UNC13C: variants seen among roughly 807,000 people sequenced by gnomAD.
UNC13C encodes the protein unc-13 homolog C.
A neutral mutation model predicts 245.4 loss-of-function variants in UNC13C; 174 were observed. The observed-to-expected ratio is 0.71, with a 90% CI of 0.63 to 0.80. UNC13C has a LOEUF of 0.80. UNC13C is among the 30% of genes least tolerant of loss of function. UNC13C has a pLI of 0.00. For synonymous variants in UNC13C, 992 were observed against 895.1 expected (o/e 1.11, Z -1.93); for missense variants, 2,829 against 2,602.9 (o/e 1.09, Z -1.89).
chr15:54,539,751 A>G (rs895896093), intron 26 of UNC13C, among the ~76,000 whole-genome samples: 1 of 152,076 alleles, frequency 6.6e-6, no homozygotes, highest in African/African-American at 2.4e-5. Flanking sequence ...AGTTTTAAGT[A>G]ATCTTGGTAC....
chr15:54,616,140 G>A (rs1900416634), intron 30 of UNC13C, among the ~76,000 whole-genome samples: 1 of 151,944 alleles, frequency 6.6e-6, no homozygotes, highest in Non-Finnish European at 1.5e-5. Flanking sequence ...CAATTTCTCA[G>A]CAACACACTT....
intron 19 of UNC13C, among the ~76,000 whole-genome samples, chr15:54,421,122 A>G (rs1056631240): frequency 5.2e-4 from 79 of 152,046 alleles, no homozygotes; most frequent in African/African-American, 1.7e-3. Context: ...AATAAATACT[A>G]TCATTATCCC....
At chr15:54,182,183 C>G (rs990904636) in intron 4 of UNC13C, among the ~76,000 whole-genome samples, 7 of 151,990 alleles carry the variant, frequency 4.6e-5, no homozygotes, top group African/African-American at 1.7e-4. Flanking sequence ...TCATAGATAA[C>G]TCTTATTATT....
At chr15:54,203,204 A>C (rs58492449) in intron 4 of UNC13C, among the ~76,000 whole-genome samples, 3,330 of 151,882 alleles carry the variant, frequency 0.022, 131 homozygotes, top group African/African-American at 0.074. Flanking sequence ...TGCAGTGAAA[A>C]GGGAACATTT....
intron 26 of UNC13C, 147 bp from the exon 27 acceptor site, chr15:54,546,575 T>C (rs906355738): frequency 6.8e-6 from 3 of 443,216 alleles, no homozygotes; most frequent in African/African-American, 4.2e-5. Flanking sequence ...TTATCTAATG[T>C]ACAGAATCAT....
chr15:54,520,976 T>C (rs1468289468), intron 24 of UNC13C, among the ~76,000 whole-genome samples: 1 of 152,178 alleles, frequency 6.6e-6, no homozygotes, highest in African/African-American at 2.4e-5. Context: ...GTCTGTTGTT[T>C]ATTTTAACAT....
chr15:54,036,887 G>C (rs189869636), intron 2 of UNC13C, among the ~76,000 whole-genome samples: 1 of 152,346 alleles, frequency 6.6e-6, no homozygotes, highest in East Asian at 1.9e-4. Flanking sequence ...TGATTCAGTT[G>C]AGAGGATTCT....
chr15:54,454,568 G>A (rs1452374324), intron 19 of UNC13C, among the ~76,000 whole-genome samples: 91 of 7,208 alleles, frequency 0.013, no homozygotes, highest in Non-Finnish European at 1.0e-2. Context: ...ACAATAGTGG[G>A]GGAAAAAAAA....
intron 30 of UNC13C, among the ~76,000 whole-genome samples, chr15:54,597,456 T>C (rs16974883): frequency 0.039 from 5,889 of 152,242 alleles, 381 homozygotes; most frequent in African/African-American, 0.13. Context: ...GGGTTTATTT[T>C]ACTTAGCCCA....
chr15:54,625,188 A>G (rs1297578379), intron 32 of UNC13C, among the ~76,000 whole-genome samples: 3 of 152,152 alleles, frequency 2.0e-5, no homozygotes, highest in Non-Finnish European at 1.5e-5. Context: ...GCAAAGAGCC[A>G]GGGAAATAAA....
At chr15:54,441,101 C>T (rs1430435342) in intron 19 of UNC13C, among the ~76,000 whole-genome samples, 1 of 152,066 alleles carries the variant, frequency 6.6e-6, no homozygotes, top group Non-Finnish European at 1.5e-5. Flanking sequence ...TTCTCTCATT[C>T]TGCAGATTGT....
chr15:54,424,904 C>T (rs2140965946), intron 19 of UNC13C, among the ~76,000 whole-genome samples: 2 of 151,810 alleles, frequency 1.3e-5, no homozygotes, highest in Middle Eastern at 6.8e-3. Context: ...CATCCCTCTG[C>T]GTCTCCCCAA....
At chr15:53,838,457 G>A in the UNC13C span, among the ~76,000 whole-genome samples, 1 of 151,894 alleles carries the variant, frequency 6.6e-6, no homozygotes, top group Non-Finnish European at 1.5e-5. Flanking sequence ...GGTTAAATGT[G>A]CTCCCTTCTA....
the UNC13C span, among the ~76,000 whole-genome samples, chr15:53,860,360 G>A: frequency 6.6e-6 from 1 of 152,134 alleles, no homozygotes; most frequent in Non-Finnish European, 1.5e-5. Context: ...GATCCTCAGG[G>A]AGGTAACTCA....
chr15:54,575,260 T>G (rs373970004), intron 30 of UNC13C, among the ~76,000 whole-genome samples: 1 of 152,276 alleles, frequency 6.6e-6, no homozygotes, highest in East Asian at 1.9e-4. Flanking sequence ...GGCCTCGAAC[T>G]CCTGACCTCA....
intron 17 of UNC13C, among the ~76,000 whole-genome samples, chr15:54,383,616 A>G (rs1236916875): frequency 6.6e-6 from 1 of 152,164 alleles, no homozygotes; most frequent in Non-Finnish European, 1.5e-5. Context: ...CAAATGGTGA[A>G]AAATGCCCGC....
chr15:54,037,780 A>G (rs1229199952), intron 2 of UNC13C, among the ~76,000 whole-genome samples: 1 of 151,998 alleles, frequency 6.6e-6, no homozygotes, highest in Non-Finnish European at 1.5e-5. Flanking sequence ...TAGGTTTGCC[A>G]TTTATGCAAG....
chr15:54,528,351 T>G (rs1239184152), intron 25 of UNC13C, among the ~76,000 whole-genome samples: 2 of 151,720 alleles, frequency 1.3e-5, no homozygotes, highest in African/African-American at 4.8e-5. Context: ...ACCAACACCT[T>G]TAGTACTAGA....
the UNC13C span, among the ~76,000 whole-genome samples, chr15:53,958,380 A>G: frequency 6.6e-6 from 1 of 152,092 alleles, no homozygotes; most frequent in Non-Finnish European, 1.5e-5. Flanking sequence ...CACTACCACA[A>G]TCAAAGTGAA....
Sources: allele counts gnomAD v4.1 joint callset (sites outside exome capture counted in the v4.1 genomes callset), GRCh38; gene constraint gnomAD v4.1.1; transcripts MANE v1.5; gene names NCBI Gene and HGNC (gene_info 2026-07-23, HGNC 2026-07-21).